The following DCC variants were observed in gnomAD, a reference collection of about 807,000 sequenced individuals.
DCC encodes netrin receptor DCC.
In DCC, 58 loss-of-function variants were observed where a neutral mutation model predicts 172.5. That is an observed-to-expected ratio of 0.34 (90% CI 0.27 to 0.42). The LOEUF (loss-of-function observed/expected upper bound fraction) is 0.42. Among genes scored for constraint, DCC ranks in the 10% least tolerant of loss-of-function variants. DCC has a pLI of 1.00. For synonymous variants in DCC, 709 were observed against 644.5 expected, an observed-to-expected ratio of 1.10 and a Z score of -1.52; for missense variants, 1,740 against 1,791.0, an observed-to-expected ratio of 0.97 and a Z score of 0.51.
At chr18:52,434,877 C>T (rs1198285435) in intron 1 of DCC, among the ~76,000 whole-genome samples, 1 of 152,204 alleles carries the variant, frequency 6.6e-6, no homozygotes, top group East Asian at 1.9e-4. Context: ...TCTGTACCCC[C>T]AGACCACAGC....
chr18:52,824,343 C>T (rs1265231245), intron 2 of DCC, among the ~76,000 whole-genome samples: 1 of 152,078 alleles, frequency 6.6e-6, no homozygotes, highest in African/African-American at 2.4e-5. Flanking sequence ...GGTTGGAAAA[C>T]ATGAAGTGGT....
rs535100693 is a variant in DCC, at chr18:53,469,473, T to C, written c.3736+1463T>C. 6.6e-5 allele frequency among the ~76,000 whole-genome samples: 10 copies of C among 152,300 alleles called. No homozygotes were observed. The South Asian group carries it at 1.9e-3, about 28-fold the overall frequency. On this transcript the variant is annotated intron_variant, in intron 25 of 28. Transcript: ENST00000442544. ...TTCAGATTTCAGTATCTCCCATCTT[T>C]CCCTATTCTTAGCTAATAATCTTAT...
At chr18:52,765,808 T>G (rs8096610) in intron 2 of DCC, among the ~76,000 whole-genome samples, 1 of 152,072 alleles carries the variant, frequency 6.6e-6, no homozygotes, top group Non-Finnish European at 1.5e-5. Flanking sequence ...TCAGAATCTA[T>G]CTCTTGGCCA....
At chr18:52,855,974 A>G (rs2039046645) in intron 2 of DCC, among the ~76,000 whole-genome samples, 1 of 151,928 alleles carries the variant, frequency 6.6e-6, no homozygotes, top group African/African-American at 2.4e-5. Context: ...CATGTTGGCC[A>G]GGTTGGTTTT....
chr18:53,197,707 GATTA>G lies in DCC; in HGVS notation c.1574-7503_1574-7500del, dbSNP rs140383653. Among the ~76,000 whole-genome samples, 381 of 151,810 alleles carry G rather than the reference GATTA, an allele frequency of 2.5e-3. 8 individuals carry two copies. The East Asian group carries it at 0.067, about 27-fold the overall frequency. On this transcript the variant is annotated intron_variant, in intron 9 of 28. Transcript: ENST00000442544. ...CATATTCAGATTCTTTTTTGAAAAGGATTAATTAAGTTCCCAAGATTTTTAAAGA... is the reference window on the plus strand; with the variant it reads ...CATATTCAGATTCTTTTTTGAAAAGGATTAAGTTCCCAAGATTTTTAAAGA...
intron 7 of DCC, among the ~76,000 whole-genome samples, chr18:53,084,110 C>A (rs562833533): frequency 4.6e-5 from 7 of 152,244 alleles, no homozygotes; most frequent in Admixed American, 1.3e-4. Context: ...AGAAGTGCAA[C>A]GTTTAGGAGC....
intron 1 of DCC, among the ~76,000 whole-genome samples, chr18:52,688,354 A>G (rs28758706): frequency 0.012 from 1,869 of 152,214 alleles, 40 homozygotes; most frequent in African/African-American, 0.043. Flanking sequence ...AAGAATATGG[A>G]AGCTTGGAGT....
At chr18:52,772,735 CTTTA>C (rs1202964508) in intron 2 of DCC, among the ~76,000 whole-genome samples, 2 of 152,106 alleles carry the variant, frequency 1.3e-5, no homozygotes, top group African/African-American at 4.8e-5. Context: ...TTTTGTCTTT[CTTTA>C]TTTCTTTCTT....
intron 14 of DCC, among the ~76,000 whole-genome samples, chr18:53,334,540 C>A (rs1367451737): frequency 6.6e-6 from 1 of 152,182 alleles, no homozygotes; most frequent in Non-Finnish European, 1.5e-5. Flanking sequence ...CTCTTTTCAT[C>A]TTGCAAAAGT....
At chr18:52,655,718 A>C (rs1263003491) in intron 1 of DCC, among the ~76,000 whole-genome samples, 1 of 152,158 alleles carries the variant, frequency 6.6e-6, no homozygotes, top group Admixed American at 6.6e-5. Flanking sequence ...ATTTTTCTCC[A>C]ATAGAAGCAT....
At chr18:52,572,341 C>G (rs1455268033) in intron 1 of DCC, among the ~76,000 whole-genome samples, 1 of 152,188 alleles carries the variant, frequency 6.6e-6, no homozygotes, top group Non-Finnish European at 1.5e-5. Context: ...AGTTTTTTTA[C>G]TGCCCTGTCC....
intron 1 of DCC, among the ~76,000 whole-genome samples, chr18:52,626,961 G>A (rs2034585266): frequency 6.6e-6 from 1 of 152,126 alleles, no homozygotes; most frequent in African/African-American, 2.4e-5. Context: ...GATACTAAGG[G>A]ACAGTTGTAC....
intron 3 of DCC, among the ~76,000 whole-genome samples, chr18:52,918,887 A>G (rs1347342193): frequency 6.6e-6 from 1 of 152,192 alleles, no homozygotes; most frequent in Non-Finnish European, 1.5e-5. Flanking sequence ...TTTTATGTAT[A>G]TATTTCAGTT....
chr18:52,922,322 T>C (rs2040138900), intron 3 of DCC, among the ~76,000 whole-genome samples: 1 of 152,160 alleles, frequency 6.6e-6, no homozygotes, highest in Non-Finnish European at 1.5e-5. Context: ...TGGTGTCCTT[T>C]TTATTACACT....
At chr18:53,061,405 A>G (rs1023371552) in intron 5 of DCC, among the ~76,000 whole-genome samples, 4 of 152,096 alleles carry the variant, frequency 2.6e-5, no homozygotes, top group African/African-American at 9.7e-5. Context: ...AACCCAGTCA[A>G]TTGATTTCAA....
chr18:53,032,257 T>C (rs528074752), intron 5 of DCC, among the ~76,000 whole-genome samples: 1 of 152,234 alleles, frequency 6.6e-6, no homozygotes, highest in South Asian at 2.1e-4. Flanking sequence ...CTATATAAAG[T>C]CTTATTTGGG....
Position 52,906,312 on chromosome 18 carries a change from A to C in DCC, c.681A>C (p.Glu227Asp). The part of the protein sequence containing the change: ...PASSRTGNEA[E>D]VRILSDPGLH... ...GCTCAAGAACAGGAAATGAAGCAGA[A>C]GTCAGAATTTTATCAGGTATTGCAA... Residue 227 changes from glutamate (E) to aspartate (D), a missense_variant, in exon 3 of 29, where the codon GAA (glutamate) becomes GAC (aspartate). Around this residue, in one of 2 missense-constraint regions of DCC, gnomAD observed 1,732 missense variants for 1,767.4 expected, o/e 0.98. Transcript: ENST00000442544. The C allele has an allele frequency of 6.2e-7, 1 of 1,613,988 alleles. No individual in the cohort carries two copies. The highest frequency in any genetic ancestry group is 8.5e-7 in the Non-Finnish European group (1 of 1,180,024).
At chr18:53,239,377 G>A (rs917524549) in intron 12 of DCC, among the ~76,000 whole-genome samples, 1 of 151,656 alleles carries the variant, frequency 6.6e-6, no homozygotes, top group Non-Finnish European at 1.5e-5. Context: ...TCAAACCACA[G>A]AGTCACTGCA....
chr18:53,419,876 C>T (rs894730290), intron 21 of DCC, among the ~76,000 whole-genome samples: 2 of 151,356 alleles, frequency 1.3e-5, no homozygotes, highest in Non-Finnish European at 1.5e-5. Flanking sequence ...TTTTTTGACA[C>T]AGAATCTCAC....
Sources: allele counts gnomAD v4.1 joint callset (sites outside exome capture counted in the v4.1 genomes callset), GRCh38; gene constraint gnomAD v4.1.1; regional missense constraint gnomAD v4.1.1; transcripts MANE v1.5; gene names NCBI Gene and HGNC (gene_info 2026-07-23, HGNC 2026-07-21).